The following WASHC3 variants were observed in gnomAD, a reference collection of about 807,000 sequenced individuals.
WASHC3 encodes WASH complex subunit CCDC53.
A neutral mutation model predicts 26.1 loss-of-function variants in WASHC3; 24 were observed. The ratio of observed to expected loss-of-function variants is 0.92; its 90% CI spans 0.66 to 1.29. The LOEUF is 1.29. Ranked by LOEUF, WASHC3 falls within the 50% of genes most tolerant of loss-of-function variation. WASHC3 has a pLI of 0.00. For missense variants in WASHC3, 214 were observed against 229.6 expected (o/e 0.93, Z 0.44); for synonymous variants, 77 against 75.7 (o/e 1.02, Z -0.09).
At chr12:102,038,857 T>C (rs1320805790) in intron 5 of WASHC3, among the ~76,000 whole-genome samples, 1 of 152,140 alleles carries the variant, frequency 6.6e-6, no homozygotes, top group African/African-American at 2.4e-5. Flanking sequence ...AATTACTAGG[T>C]GATAAACTAT....
chr12:102,028,961 T>C (rs1877318327), intron 5 of WASHC3, among the ~76,000 whole-genome samples: 1 of 152,156 alleles, frequency 6.6e-6, no homozygotes, highest in African/African-American at 2.4e-5. Flanking sequence ...GTCATTTCTG[T>C]ATATGCATAT....
intron 6 of WASHC3, among the ~76,000 whole-genome samples, chr12:102,025,000 A>G (rs1259385146): frequency 6.6e-6 from 1 of 152,184 alleles, no homozygotes; most frequent in Non-Finnish European, 1.5e-5. Context: ...AAATGTAGAT[A>G]TATGTTTGAA....
intron 6 of WASHC3, among the ~76,000 whole-genome samples, chr12:102,014,049 A>C (rs2121308818): frequency 6.6e-6 from 1 of 151,732 alleles, no homozygotes; most frequent in Middle Eastern, 3.4e-3. Context: ...CCAAGAGGAA[A>C]AGGAGTAACA....
chr12:102,019,701 G>A (rs561763581), intron 6 of WASHC3, among the ~76,000 whole-genome samples: 2 of 152,186 alleles, frequency 1.3e-5, no homozygotes, highest in South Asian at 2.1e-4. Flanking sequence ...AAAATTATCA[G>A]TAAAATTCTT....
intron 5 of WASHC3, 81 bp downstream of exon 5, chr12:102,039,786 GA>G: frequency 1.7e-6 from 1 of 572,158 alleles, no homozygotes; most frequent in South Asian, 2.7e-5. Context: ...TTCTCAGATT[GA>G]AAAAAATAAC....
chr12:102,044,552 T>A (rs972016337), intron 3 of WASHC3, among the ~76,000 whole-genome samples: 2 of 152,186 alleles, frequency 1.3e-5, no homozygotes, highest in Non-Finnish European at 2.9e-5. Flanking sequence ...GTGTCTCAAT[T>A]ATCTCACCTG....
chr12:102,045,168 T>C (rs920284739), intron 3 of WASHC3, among the ~76,000 whole-genome samples: 1 of 152,146 alleles, frequency 6.6e-6, no homozygotes, highest in African/African-American at 2.4e-5. Flanking sequence ...TGTTGACTGA[T>C]AACCATAGTT....
intron 2 of WASHC3, chr12:102,050,445 C>T (rs1565820383): frequency 2.5e-6 from 1 of 394,508 alleles, no homozygotes; most frequent in Non-Finnish European, 5.0e-6. Context: ...TAGTAAGATG[C>T]CATCTCTAAC....
At chr12:102,061,190 T>G in intron 2 of WASHC3, 58 bp downstream of exon 2, 1 of 1,103,846 alleles carries the variant, frequency 9.1e-7, no homozygotes, top group East Asian at 2.4e-5. Context: ...CATTTGTCAG[T>G]CTCAGCAGTG....
chr12:102,055,040 A>T (rs1878539120), intron 2 of WASHC3, among the ~76,000 whole-genome samples: 1 of 152,168 alleles, frequency 6.6e-6, no homozygotes, highest in Non-Finnish European at 1.5e-5. Context: ...AGTAGAAGGA[A>T]AAAAATAATA....
chr12:102,045,846 G>A (rs1032107442), intron 3 of WASHC3, among the ~76,000 whole-genome samples: 13 of 152,170 alleles, frequency 8.5e-5, no homozygotes, highest in South Asian at 2.1e-4. Flanking sequence ...GAAAGAAATC[G>A]CAAACCATGT....
intron 2 of WASHC3, among the ~76,000 whole-genome samples, chr12:102,060,399 C>T (rs1399523896): frequency 1.3e-5 from 2 of 152,198 alleles, no homozygotes; most frequent in African/African-American, 2.4e-5. Context: ...CCTGCCTCTG[C>T]CTCCCGAGTA....
In WASHC3 at chr12:102,013,167, C is replaced by A; in HGVS notation, c.526G>T (p.Gly176Cys). ...LERPDAPVPD[G>C]ESEKTVEESS... ...TCTTCTACAGTTTTCTCACTTTCGC[C>A]ATCAGGCACTGGAGCATCTGGCCTC... Residue 176 changes from glycine to cysteine, a missense_variant, in exon 7 of 7, where the codon GGC (glycine) becomes TGC (cysteine). By Grantham distance (159) the Gly-to-Cys change is radical (BLOSUM62 -3). Transcript: ENST00000240079. 6.5e-7 allele frequency: 1 copy of A among 1,547,524 alleles called. No individual in the cohort carries two copies. Among genetic ancestry groups the A allele is most frequent in the East Asian group, 2.4e-5 (1 of 42,174 alleles).
chr12:102,057,952 T>C (rs1341914135), intron 2 of WASHC3, among the ~76,000 whole-genome samples: 1 of 151,708 alleles, frequency 6.6e-6, no homozygotes, highest in Non-Finnish European at 1.5e-5. Context: ...GAACAGGCAA[T>C]GCAATATTAA....
rs1416528456 is a variant in WASHC3, at chr12:102,025,976, A to T, written c.498T>A (p.Leu166=). The change falls in exon 6 of 7, where the codon CTT becomes CTA. Residue 166 remains leucine, a splice_region_variant and synonymous_variant. Coordinates refer to ENST00000240079, the MANE Select transcript of WASHC3 (RefSeq NM_016053.4). ...MISEGLDPDL[L]ERPDAPVPDG... ...ATTATATTAGAAGAATTACTTACTCAAGAAGATCTGGGTCTAGTCCTTCTG... is the reference window on the plus strand; with the variant it reads ...ATTATATTAGAAGAATTACTTACTCTAGAAGATCTGGGTCTAGTCCTTCTG... The T allele has an allele frequency of 6.8e-7, 1 of 1,463,388 alleles. No homozygotes were observed. The highest frequency in any genetic ancestry group is 9.4e-7 in the Non-Finnish European group (1 of 1,064,180). The allele number at this position is 1,463,388 out of a possible 1,614,324, so 90.7% of individuals were successfully genotyped here.
chr12:102,025,194 A>C (rs774293890), intron 6 of WASHC3, among the ~76,000 whole-genome samples: 8 of 152,142 alleles, frequency 5.3e-5, no homozygotes, highest in Non-Finnish European at 7.4e-5. Context: ...GTGCACAGCT[A>C]AATACATTGG....
intron 2 of WASHC3, among the ~76,000 whole-genome samples, chr12:102,051,694 T>A (rs780847476): frequency 6.6e-6 from 1 of 152,238 alleles, no homozygotes; most frequent in Non-Finnish European, 1.5e-5. Context: ...GTGCAGCTAA[T>A]GCAGCTACAA....
chr12:102,033,247 C>T (rs1201934159), intron 5 of WASHC3, among the ~76,000 whole-genome samples: 1 of 152,016 alleles, frequency 6.6e-6, no homozygotes, highest in Non-Finnish European at 1.5e-5. Context: ...TTTTTGTAAC[C>T]CGCAAGACTT....
intron 2 of WASHC3, among the ~76,000 whole-genome samples, chr12:102,058,858 C>G (rs377675361): frequency 2.6e-5 from 4 of 152,162 alleles, no homozygotes; most frequent in African/African-American, 9.6e-5. Flanking sequence ...CAATGGAATA[C>G]TATTTAGCCT....
Sources: gnomAD v4.1 joint callset for allele counts (sites outside exome capture counted in the v4.1 genomes callset) on GRCh38, gnomAD v4.1.1 for gene constraint, MANE v1.5 for transcripts, NCBI Gene and HGNC (gene_info 2026-07-23, HGNC 2026-07-21) for gene names.